ZNF551: variants seen among roughly 807,000 people sequenced by gnomAD.
ZNF551 encodes the protein zinc finger protein 551, also known as KOX 23 protein (56 AA).
In ZNF551, 5 loss-of-function variants were observed where a neutral mutation model predicts 7.9. That is an observed-to-expected ratio of 0.63 (90% CI 0.33 to 1.33). ZNF551 has a LOEUF of 1.33. ZNF551 is among the 40% of genes most tolerant of loss of function. The pLI is 0.05. For missense variants in ZNF551, 788 were observed against 825.2 expected (o/e 0.95, Z 0.55); for synonymous variants, 287 against 277.3 (o/e 1.03, Z -0.35).
In ZNF551 at chr19:57,689,175, A is replaced by G. The variant is rs1407719276; in HGVS notation, c.*887A>G. 1.3e-5 allele frequency: 2 copies of G among 152,174 alleles called. No homozygotes were observed. Among genetic ancestry groups the G allele is most frequent in the Non-Finnish European group, 2.9e-5 (2 of 68,042 alleles). 9.4% of individuals were successfully genotyped at this position (152,174 alleles called of 1,614,324 possible). On this transcript the variant is annotated 3_prime_UTR_variant, in exon 3 of 3. Transcript: ENST00000282296. The stretch of plus-strand genomic sequence containing the variant: ...ATCCCCAGTGCTTCTGTGAACGTGA[A>G]TTTTGTTCAGTTGTCCACAGGAGAT...
At chr19:57,683,622 C>T (rs376591169) in intron 1 of ZNF551, among the ~76,000 whole-genome samples, 16 of 152,144 alleles carry the variant, frequency 1.1e-4, no homozygotes, top group African/African-American at 3.6e-4. Context: ...GAGGGGAAGC[C>T]TGCTCACAAT....
In ZNF551 at chr19:57,688,394, C is replaced by A; in HGVS notation, c.*106C>A. 4.2e-6 allele frequency: 6 copies of A among 1,445,568 alleles called. No homozygotes were observed. In the Middle Eastern group the frequency reaches 5.7e-4, roughly 138 times the overall value. The allele number at this position is 1,445,568 out of a possible 1,614,324, so 89.5% of individuals were successfully genotyped here. On this transcript the variant is annotated 3_prime_UTR_variant, in exon 3 of 3. Coordinates refer to ENST00000282296, the MANE Select transcript of ZNF551 (RefSeq NM_138347.5). ...CTTTGAGCACCCACAGTGGGGTATT[C>A]TTCATAAGTTTCAGGTATGTGGGAA...
chr19:57,684,172 T>C (rs1349352052), intron 1 of ZNF551, among the ~76,000 whole-genome samples: 1 of 152,116 alleles, frequency 6.6e-6, no homozygotes, highest in Non-Finnish European at 1.5e-5. Flanking sequence ...CTTCATGGTA[T>C]GACTTGAGGC....
chr19:57,687,914 A>C lies in ZNF551; in HGVS notation c.1639A>C (p.Ile547Leu). 6.2e-7 allele frequency: 1 copy of C among 1,614,234 alleles called. No individual in the cohort carries two copies. The change falls in exon 3 of 3, where the codon ATT becomes CTT. Residue 547 changes from isoleucine (I) to leucine (L), a missense_variant. Transcript: ENST00000282296. ...GKSFRQRSGL[I>L]QHRRLHTGER... Reference sequence around the variant, plus strand: ...ATCTTTTAGACAGCGCTCTGGCCTCATTCAGCACCGGAGACTTCATACTGG... The same window carrying C: ...ATCTTTTAGACAGCGCTCTGGCCTCCTTCAGCACCGGAGACTTCATACTGG...
In ZNF551 at chr19:57,687,003, GTGTC is replaced by G. The variant is rs778719334; in HGVS notation, c.732_735del (p.Cys245LeufsTer49). The G allele has an allele frequency of 1.9e-6, 3 of 1,614,180 alleles. No homozygotes were observed. The highest frequency in any genetic ancestry group is 2.5e-6 in the Non-Finnish European group (3 of 1,180,040). ...AAACACACACTTGTTCAGCATCAGA[GTGTC>G]TGTTCTGAAGGAGGGCTTTATGAGT... On this transcript the variant is annotated frameshift_variant, in exon 3 of 3. Transcript: ENST00000282296. LOFTEE classifies it low-confidence loss of function (END_TRUNC).
At position 57,686,825 on chromosome 19, in the gene ZNF551, G is replaced by T; in HGVS notation, c.550G>T (p.Gly184Trp). 2 of 1,614,176 alleles carry T rather than the reference G, an allele frequency of 1.2e-6. No homozygotes were observed. Among genetic ancestry groups the T allele is most frequent in the Non-Finnish European group, 1.7e-6 (2 of 1,180,030 alleles). Residue 184 changes from glycine (G) to tryptophan (W), a missense_variant, in exon 3 of 3, where the codon GGG becomes TGG. Physicochemically the swap from Gly to Trp is radical, Grantham distance 184 (BLOSUM62 -2). Transcript: ENST00000282296. ...CCATGTGTTGAATTATTTCACCTGT[G>T]GGGAGGCCTTCCCAGCCCCCACGGA... ...RFHVLNYFTC[G>W]EAFPAPTDLL...
At position 57,688,445 on chromosome 19, in the gene ZNF551, C is replaced by T. The variant is rs555884218; in HGVS notation, c.*157C>T. On this transcript the variant is annotated 3_prime_UTR_variant, in exon 3 of 3. Coordinates refer to ENST00000282296, the MANE Select transcript of ZNF551 (RefSeq NM_138347.5). Reference sequence around the variant, plus strand: ...GCTCTGAGGAGGTTCATTGTAATTTCTAATCTGCCGAGGCCTATAGCCTGA... The same window carrying T: ...GCTCTGAGGAGGTTCATTGTAATTTTTAATCTGCCGAGGCCTATAGCCTGA... 2.7e-5 allele frequency: 28 copies of T among 1,054,622 alleles called. No individual in the cohort carries two copies. In the African/African-American group the frequency reaches 3.2e-4, roughly 12 times the overall value. The allele number at this position is 1,054,622 out of a possible 1,614,324, so 65.3% of individuals were successfully genotyped here. A position where few individuals can be genotyped will look rare whatever the true frequency, so the allele number is the denominator to read the frequency against.
At chr19:57,686,455 T>C in intron 2 of ZNF551, 26 bp from the exon 3 acceptor site, 1 of 1,593,148 alleles carries the variant, frequency 6.3e-7, no homozygotes, top group Non-Finnish European at 8.6e-7. Flanking sequence ...TCAGCATGCA[T>C]TTCATCAGCA....
chr19:57,685,263 G>T lies in ZNF551; in HGVS notation c.83G>T (p.Gly28Val). ...AAVALRDSAQ[G>V]MTFEDVAIYF... Reference sequence around the variant, plus strand: ...ATTGAACTATTCCTGCTGTGACAGGGTATGACCTTTGAGGATGTGGCCATT... The same window carrying T: ...ATTGAACTATTCCTGCTGTGACAGGTTATGACCTTTGAGGATGTGGCCATT... Residue 28 changes from glycine to valine, a missense_variant and splice_region_variant, in exon 2 of 3, where the codon GGT (glycine) becomes GTT (valine). Physicochemically the swap from Gly to Val is moderately radical, Grantham distance 109. Coordinates refer to ENST00000282296, the MANE Select transcript of ZNF551 (RefSeq NM_138347.5). The T allele has an allele frequency of 6.2e-7, 1 of 1,614,010 alleles. No homozygotes were observed. The highest frequency in any genetic ancestry group is 8.5e-7 in the Non-Finnish European group (1 of 1,179,924).
At chr19:57,685,142 C>A in intron 1 of ZNF551, 120 bp from the exon 2 acceptor site, 1 of 1,348,504 alleles carries the variant, frequency 7.4e-7, no homozygotes, top group Non-Finnish European at 1.0e-6. Flanking sequence ...GCATCGGTGG[C>A]ACTGTGGCTG....
At chr19:57,682,404 A>G (rs1405770246) in intron 1 of ZNF551, among the ~76,000 whole-genome samples, 160 bp downstream of exon 1, 2 of 152,072 alleles carry the variant, frequency 1.3e-5, no homozygotes, top group Non-Finnish European at 2.9e-5. Flanking sequence ...TGTGTACGGA[A>G]ATGTGACGGG....
At chr19:57,682,884 T>C (rs1984435427) in intron 1 of ZNF551, among the ~76,000 whole-genome samples, 1 of 152,176 alleles carries the variant, frequency 6.6e-6, no homozygotes, top group South Asian at 2.1e-4. Context: ...TATATGAAGC[T>C]GTTGGCAGCC....
rs2122341766 is a variant in ZNF551, at chr19:57,687,909, G to T, written c.1634G>T (p.Gly545Val). Reference protein sequence around the residue: ...ECGKSFRQRSGLIQHRRLHTG... With the variant: ...ECGKSFRQRSVLIQHRRLHTG... ...GGCAAATCTTTTAGACAGCGCTCTGGCCTCATTCAGCACCGGAGACTTCAT... is the reference window on the plus strand; with the variant it reads ...GGCAAATCTTTTAGACAGCGCTCTGTCCTCATTCAGCACCGGAGACTTCAT... The change falls in exon 3 of 3, where the codon GGC becomes GTC. Residue 545 changes from glycine (G) to valine (V), a missense_variant. Gly to Val is a moderately radical substitution (Grantham distance 109). Transcript: ENST00000282296. The T allele has an allele frequency of 6.2e-7, 1 of 1,613,892 alleles. No homozygotes were observed. Among genetic ancestry groups the T allele is most frequent in the East Asian group, 2.2e-5 (1 of 44,824 alleles).
chr19:57,683,020 A>G (rs12162230), intron 1 of ZNF551, among the ~76,000 whole-genome samples: 82,653 of 152,030 alleles, frequency 0.54, 22,724 homozygotes, highest in Middle Eastern at 0.61. Context: ...GGAGCAGTGT[A>G]GTAGAAGTCA....
rs1293526623 is a variant in ZNF551, at chr19:57,684,879, G to A, written c.82-383G>A. 2.0e-5 allele frequency among the ~76,000 whole-genome samples: 3 copies of A among 152,168 alleles called. No individual in the cohort carries two copies. In the East Asian group the frequency reaches 5.8e-4, roughly 29 times the overall value. ...CATATGGGTGAACGGGAGTCAGAGG[G>A]GTAAAGGGTAAGCCCGTGTTAGTTG... On this transcript the variant is annotated intron_variant, in intron 1 of 2. Transcript: ENST00000282296.
chr19:57,682,352 A>G (rs915830372), intron 1 of ZNF551, 108 bp downstream of exon 1: 1 of 1,212,608 alleles, frequency 8.2e-7, no homozygotes, highest in African/African-American at 1.5e-5. Flanking sequence ...AGTACCCTGG[A>G]CAAGAAGGCG....
intron 1 of ZNF551, among the ~76,000 whole-genome samples, chr19:57,684,230 G>A (rs1361367193): frequency 2.0e-5 from 3 of 152,182 alleles, no homozygotes; most frequent in South Asian, 2.1e-4. Flanking sequence ...GTACTGAACC[G>A]TATTTGAATT....
Position 57,687,287 on chromosome 19 carries a change from G to A in ZNF551, c.1012G>A (p.Gly338Ser), listed in dbSNP as rs769266389. Reference sequence around the variant, plus strand: ...CACTGGAGGAGTGCGTCATGAGTGTGGTGAATGTAGGAAAACCTTTAGCTA... The same window carrying A: ...CACTGGAGGAGTGCGTCATGAGTGTAGTGAATGTAGGAAAACCTTTAGCTA... ...RHTGGVRHECGECRKTFSYKS... is the reference protein window; with the variant it reads ...RHTGGVRHECSECRKTFSYKS... The change falls in exon 3 of 3, where the codon GGT becomes AGT. Residue 338 changes from glycine (G) to serine (S), a missense_variant. Gly to Ser is a moderately conservative substitution (Grantham distance 56). Coordinates refer to ENST00000282296, the MANE Select transcript of ZNF551 (RefSeq NM_138347.5). The A allele has an allele frequency of 6.2e-7, 1 of 1,614,052 alleles. No homozygotes were observed. Among genetic ancestry groups the A allele is most frequent in the South Asian group, 1.1e-5 (1 of 91,074 alleles).
At position 57,687,979 on chromosome 19, in the gene ZNF551, T is replaced by C; in HGVS notation, c.1704T>C (p.Phe568=). 2 of 1,614,178 alleles carry C rather than the reference T, an allele frequency of 1.2e-6. No homozygotes were observed. The highest frequency in any genetic ancestry group is 1.1e-5 in the South Asian group (1 of 91,084). Residue 568 remains phenylalanine (F), a synonymous_variant, in exon 3 of 3, where the codon TTT becomes TTC. Transcript: ENST00000282296. ...AATGTAGTGAATGTGGAAAGTCTTT[T>C]AGCCAAAGTGCTAGCCTCATTCAAC... The part of the protein sequence containing the change: ...PYECSECGKS[F]SQSASLIQHQ...
Sources: allele counts gnomAD v4.1 joint callset (sites outside exome capture counted in the v4.1 genomes callset), GRCh38; gene constraint gnomAD v4.1.1; transcripts MANE v1.5; gene names NCBI Gene and HGNC (gene_info 2026-07-23, HGNC 2026-07-21).